TRIM66: variants seen among roughly 807,000 people sequenced by gnomAD.
TRIM66 encodes the protein tripartite motif containing 66.
In TRIM66, 99 loss-of-function variants were observed where a neutral mutation model predicts 148.2. The observed-to-expected ratio is 0.67, with a 90% CI of 0.57 to 0.79. TRIM66 has a LOEUF of 0.79. TRIM66 is among the 30% of genes least tolerant of loss of function. TRIM66 has a pLI of 0.00. For missense variants in TRIM66, 1,666 were observed against 1,697.9 expected (o/e 0.98, Z 0.33); for synonymous variants, 616 against 635.9 (o/e 0.97, Z 0.47).
chr11:8,636,641 T>G (rs1258942759), intron 15 of TRIM66, among the ~76,000 whole-genome samples: 1 of 152,072 alleles, frequency 6.6e-6, no homozygotes, highest in Non-Finnish European at 1.5e-5. Context: ...AGGCCAAAAC[T>G]CCTGTGATCT....
chr11:8,632,451 ATTTTT>A lies in TRIM66; in HGVS notation c.2310+6198_2310+6202del, dbSNP rs386373046. On this transcript the variant is annotated intron_variant, in intron 15 of 24. Transcript: ENST00000646038. ...TTCTAGTAAGCAGTTTCACATGTTG[ATTTTT>A]TTTTTTTTTTTTTTTTTGAGATGGA... 1.5e-4 allele frequency among the ~76,000 whole-genome samples: 13 copies of A among 88,014 alleles called. No homozygotes were observed. The East Asian group carries it at 2.4e-3, about 16-fold the overall frequency. 57.7% of individuals were successfully genotyped at this position (88,014 alleles called of 152,430 possible). A position where few individuals can be genotyped will look rare whatever the true frequency, so the allele number is the denominator to read the frequency against.
intron 23 of TRIM66, 49 bp from the exon 24 acceptor site, chr11:8,619,017 A>C (rs769843409): frequency 6.6e-7 from 1 of 1,509,664 alleles, no homozygotes; most frequent in Non-Finnish European, 9.0e-7. Context: ...CTACCAGTCC[A>C]TCTCTTTCGG....
chr11:8,624,235 G>T, intron 17 of TRIM66, 124 bp downstream of exon 17: 3 of 1,104,718 alleles, frequency 2.7e-6, no homozygotes, highest in Non-Finnish European at 2.6e-6. Flanking sequence ...AGTAAATTCA[G>T]CCTCAGAGAG....
chr11:8,619,356 G>A (rs749750554), intron 23 of TRIM66, 27 bp downstream of exon 23: 3 of 1,476,990 alleles, frequency 2.0e-6, no homozygotes, highest in Non-Finnish European at 2.7e-6. Flanking sequence ...AGGGAAATAG[G>A]AGAGAGGGAA....
chr11:8,624,258 C>T, intron 17 of TRIM66, 101 bp downstream of exon 17: 1 of 1,330,232 alleles, frequency 7.5e-7, no homozygotes, highest in South Asian at 1.4e-5. Flanking sequence ...GCACTGCTTC[C>T]CCAGCTTAGA....
chr11:8,661,827 C>A (rs2038277951), intron 6 of TRIM66, among the ~76,000 whole-genome samples: 1 of 152,182 alleles, frequency 6.6e-6, no homozygotes, highest in African/African-American at 2.4e-5. Flanking sequence ...TTCCAGCAGA[C>A]AAGAGGCCCC....
In TRIM66 at chr11:8,614,792, G is replaced by C. The variant is rs10769932; in HGVS notation, c.*3152C>G. 0.58 allele frequency: 88,402 copies of C among 152,434 alleles called. 26,064 individuals carry two copies. Among genetic ancestry groups the C allele is most frequent in the Non-Finnish European group, 0.63 (43,233 of 68,166 alleles). The allele number at this position is 152,434 out of a possible 1,614,324, so 9.4% of individuals were successfully genotyped here. A position where few individuals can be genotyped will look rare whatever the true frequency, so the allele number is the denominator to read the frequency against. ...GGATGGCAGGGACTGCCATGGAACAGAGCATATGGAAGGTATGGTTGCCAC... is the reference window on the plus strand; with the variant it reads ...GGATGGCAGGGACTGCCATGGAACACAGCATATGGAAGGTATGGTTGCCAC... On this transcript the variant is annotated 3_prime_UTR_variant, in exon 25 of 25. Transcript: ENST00000646038.
At chr11:8,622,740 G>A (rs1031925637) in intron 18 of TRIM66, 76 bp downstream of exon 18, 7 of 1,342,380 alleles carry the variant, frequency 5.2e-6, no homozygotes, top group Middle Eastern at 1.8e-4. Flanking sequence ...AATTCATCAA[G>A]GATGCTTCAT....
At chr11:8,678,101 G>A (rs1156627983) in intron 3 of TRIM66, 1 of 152,086 alleles carries the variant, frequency 6.6e-6, no homozygotes, top group Non-Finnish European at 1.5e-5. Flanking sequence ...AAAATACATA[G>A]TAACATAAAA....
At chr11:8,648,593 A>C (rs1435276708) in intron 8 of TRIM66, 45 bp from the exon 9 acceptor site, 1 of 1,548,692 alleles carries the variant, frequency 6.5e-7, no homozygotes, top group South Asian at 1.2e-5. Context: ...GCTCAGGTAG[A>C]CAAACCTCTC....
Position 8,672,047 on chromosome 11 carries a change from C to T in TRIM66, c.79G>A (p.Gly27Arg). ...TRCFSPEDIS[G>R]KAPVLGTGMA... is the part of the protein sequence containing the mutation. ...CCTGTGCCCAGGACTGGGGCTTTTCCACTGATATCCTCAGGTGAGAAGCAG... is the reference window on the plus strand; with the variant it reads ...CCTGTGCCCAGGACTGGGGCTTTTCTACTGATATCCTCAGGTGAGAAGCAG... The change falls in exon 6 of 25, where the codon GGA becomes AGA. Residue 27 changes from glycine to arginine, a missense_variant. Transcript: ENST00000646038. 2.0e-6 allele frequency: 3 copies of T among 1,535,750 alleles called. No individual in the cohort carries two copies. Among genetic ancestry groups the T allele is most frequent in the Non-Finnish European group, 2.6e-6 (3 of 1,146,866 alleles).
At position 8,618,732 on chromosome 11, in the gene TRIM66, C is replaced by T. The variant is rs1337160907; in HGVS notation, c.4119+18G>A. ...CTGATCACCGCCCACCTGCTGCTGG[C>T]TGGCAGTAACTCTTTACCATATGTC... is the stretch of plus-strand genomic sequence containing the variant. On this transcript the variant is annotated intron_variant, in intron 24 of 24. Coordinates refer to ENST00000646038, the MANE Select transcript of TRIM66 (RefSeq NM_001388022.1). 2.6e-6 allele frequency: 4 copies of T among 1,546,568 alleles called. No individual in the cohort carries two copies. In the South Asian group the frequency reaches 3.6e-5, roughly 14 times the overall value.
intron 15 of TRIM66, among the ~76,000 whole-genome samples, chr11:8,631,654 T>G (rs967196155): frequency 1.3e-5 from 2 of 152,200 alleles, no homozygotes; most frequent in Admixed American, 1.3e-4. Flanking sequence ...GTTTCTTGTC[T>G]TCTCCCTTGT....
chr11:8,661,574 C>T (rs758215133), intron 6 of TRIM66, among the ~76,000 whole-genome samples: 34 of 152,160 alleles, frequency 2.2e-4, no homozygotes, highest in Non-Finnish European at 3.8e-4. Context: ...GGGCAGCATC[C>T]TATTCTGGGT....
chr11:8,667,444 A>C (rs1371864461), intron 6 of TRIM66, among the ~76,000 whole-genome samples: 1 of 152,232 alleles, frequency 6.6e-6, no homozygotes, highest in Non-Finnish European at 1.5e-5. Flanking sequence ...AAATATTTGC[A>C]AATCATATAT....
chr11:8,624,215 G>T, intron 17 of TRIM66, 144 bp downstream of exon 17: 1 of 923,638 alleles, frequency 1.1e-6, no homozygotes, highest in Non-Finnish European at 1.6e-6. Flanking sequence ...AGACAGTTCC[G>T]GAGGAGAGAA....
chr11:8,625,307 G>A, intron 15 of TRIM66, 79 bp from the exon 16 acceptor site: 1 of 1,425,744 alleles, frequency 7.0e-7, no homozygotes, highest in Non-Finnish European at 9.2e-7. Flanking sequence ...CCAACCCACA[G>A]GAACTCCCAT....
intron 6 of TRIM66, among the ~76,000 whole-genome samples, chr11:8,667,466 T>C (rs945449710): frequency 1.3e-5 from 2 of 152,194 alleles, no homozygotes; most frequent in African/African-American, 4.8e-5. Flanking sequence ...TAATAAGAGA[T>C]TGGTATCCAG....
chr11:8,647,778 G>A (rs1447263314), intron 10 of TRIM66, among the ~76,000 whole-genome samples, 192 bp downstream of exon 10: 1 of 152,140 alleles, frequency 6.6e-6, no homozygotes, highest in Non-Finnish European at 1.5e-5. Flanking sequence ...CAGCCACCAA[G>A]GGATGACTTA....
Sources: allele counts gnomAD v4.1 joint callset (sites outside exome capture counted in the v4.1 genomes callset), GRCh38; gene constraint gnomAD v4.1.1; transcripts MANE v1.5; gene names NCBI Gene and HGNC (gene_info 2026-07-23, HGNC 2026-07-21).